The following TREML1 variants were observed in gnomAD, a reference collection of about 807,000 sequenced individuals.
The protein encoded by TREML1 is triggering receptor expressed on myeloid cells like 1.
A neutral mutation model predicts 22.8 loss-of-function variants in TREML1; 27 were observed. That is an observed-to-expected ratio of 1.19 (90% CI 0.87 to 1.64). The LOEUF (loss-of-function observed/expected upper bound fraction) is 1.64. Ranked by LOEUF, TREML1 falls within the 40% of genes most tolerant of loss-of-function variation. The pLI is 0.00. For missense variants in TREML1, 356 were observed against 382.0 expected (o/e 0.93, Z 0.57); for synonymous variants, 153 against 161.9 (o/e 0.94, Z 0.42).
intron 2 of TREML1, among the ~76,000 whole-genome samples, chr6:41,152,191 T>C (rs987517779): frequency 1.3e-5 from 2 of 152,294 alleles, no homozygotes; most frequent in African/African-American, 2.4e-5. Context: ...GTGGCACATG[T>C]CCTGCCCTCC....
chr6:41,149,997 A>G, intron 5 of TREML1, 79 bp from the exon 6 acceptor site: 29 of 1,374,594 alleles, frequency 2.1e-5, no homozygotes, highest in Non-Finnish European at 2.8e-5. Flanking sequence ...GGACCACACT[A>G]GATCTATCTC....
chr6:41,153,895 G>C lies in TREML1; in HGVS notation c.239C>G (p.Thr80Arg). 1 of 1,614,192 alleles carries C rather than the reference G, an allele frequency of 6.2e-7. No homozygotes were observed. Among genetic ancestry groups the C allele is most frequent in the Non-Finnish European group, 8.5e-7 (1 of 1,180,044 alleles). ...CTGCAGCAGGCCCCCACCCAGGTCT[G>C]TGAGAAACGTACGCCTGCCCGCTGG... Reference protein sequence around the residue: ...RAPAGRRTFLTDLGGGLLQVE... With the variant: ...RAPAGRRTFLRDLGGGLLQVE... The change falls in exon 2 of 6, where the codon ACA (threonine) becomes AGA (arginine). Residue 80 changes from threonine to arginine, a missense_variant. By Grantham distance (71) the Thr-to-Arg change is moderately conservative. Coordinates refer to ENST00000426005, the MANE Select transcript of TREML1 (RefSeq NM_178174.4).
In TREML1 at chr6:41,149,570, A is replaced by G. The variant is rs1765186650; in HGVS notation, c.*34T>C. 1 of 1,577,402 alleles carries G rather than the reference A, an allele frequency of 6.3e-7. No individual in the cohort carries two copies. The highest frequency in any genetic ancestry group is 1.3e-5 in the African/African-American group (1 of 74,514). On this transcript the variant is annotated 3_prime_UTR_variant, in exon 6 of 6. Coordinates refer to ENST00000426005, the MANE Select transcript of TREML1 (RefSeq NM_178174.4). ...GGATGGATGCACAGAACCCCTAGGG[A>G]TGGTCCTCATGAGTTTAAAGTGTGA...
At position 41,149,552 on chromosome 6, in the gene TREML1, T is replaced by C; in HGVS notation, c.*52A>G. On this transcript the variant is annotated 3_prime_UTR_variant, in exon 6 of 6. Coordinates refer to ENST00000426005, the MANE Select transcript of TREML1 (RefSeq NM_178174.4). ...CTAGGGCATGAGCTGGCTGGATGGA[T>C]GCACAGAACCCCTAGGGATGGTCCT... 6.5e-7 allele frequency: 1 copy of C among 1,547,472 alleles called. No homozygotes were observed. The highest frequency in any genetic ancestry group is 1.2e-5 in the South Asian group (1 of 80,546).
chr6:41,149,856 A>T lies in TREML1; in HGVS notation c.684T>A (p.Asp228Glu), dbSNP rs138237630. 5,216 of 1,614,176 alleles carry T rather than the reference A, an allele frequency of 3.2e-3. 11 individuals carry two copies. Among genetic ancestry groups the T allele is most frequent in the Non-Finnish European group, 4.0e-3 (4,774 of 1,180,034 alleles). Reference sequence around the variant, plus strand: ...GTGAGTCAAGCCTAATGTGTGGTACATCCAAAGGCAATTCAGCAGCCGGTC... The same window carrying T: ...GTGAGTCAAGCCTAATGTGTGGTACTTCCAAAGGCAATTCAGCAGCCGGTC... ...DSGPAAELPL[D>E]VPHIRLDSPP... Residue 228 changes from aspartate (D) to glutamate (E), a missense_variant, in exon 6 of 6, where the codon GAT becomes GAA. By Grantham distance (45) the Asp-to-Glu change is conservative. Transcript: ENST00000426005.
In TREML1 at chr6:41,150,253, C is replaced by G; in HGVS notation, c.621+8G>C. 6.2e-7 allele frequency: 1 copy of G among 1,613,850 alleles called. No individual in the cohort carries two copies. The highest frequency in any genetic ancestry group is 1.3e-5 in the African/African-American group (1 of 75,016). Reference sequence around the variant, plus strand: ...GAATTTGGCTGTGGGCCTGCAGAGGCCTCTTACCATGCCTGAAACTCTGCT... The same window carrying G: ...GAATTTGGCTGTGGGCCTGCAGAGGGCTCTTACCATGCCTGAAACTCTGCT... On this transcript the variant is annotated splice_region_variant and intron_variant, in intron 5 of 5. Coordinates refer to ENST00000426005, the MANE Select transcript of TREML1 (RefSeq NM_178174.4).
chr6:41,154,134 G>A (rs1167068722), intron 1 of TREML1, 44 bp from the exon 2 acceptor site: 2 of 1,594,428 alleles, frequency 1.3e-6, no homozygotes, highest in Admixed American at 1.7e-5. Flanking sequence ...GGAGCTGGGA[G>A]CATCTCCCAG....
In TREML1 at chr6:41,153,951, G is replaced by A. The variant is rs1416511861; in HGVS notation, c.183C>T (p.Pro61=). The A allele has an allele frequency of 1.9e-6, 3 of 1,614,198 alleles. No individual in the cohort carries two copies. In the South Asian group the frequency reaches 3.3e-5, roughly 18 times the overall value. ...WCRFLPEGCQ[P]LVSSAVDRRA... is the part of the protein sequence containing the mutation. Reference sequence around the variant, plus strand: ...TGCGATCCACAGCTGAGGACACCAGGGGCTGGCACCCCTCCGGCAAGAACC... The same window carrying A: ...TGCGATCCACAGCTGAGGACACCAGAGGCTGGCACCCCTCCGGCAAGAACC... Residue 61 remains proline (P), a synonymous_variant, in exon 2 of 6, where the codon CCC becomes CCT. Coordinates refer to ENST00000426005, the MANE Select transcript of TREML1 (RefSeq NM_178174.4).
At chr6:41,153,636 A>AT in intron 2 of TREML1, 122 bp downstream of exon 2, 1 of 951,440 alleles carries the variant, frequency 1.1e-6, no homozygotes, top group South Asian at 1.7e-5. Context: ...TGTCAAGAGG[A>AT]TATCTCCTTG....
At chr6:41,154,479 T>C, upstream of TREML1, 1 of 580,454 alleles carries the variant, frequency 1.7e-6, no homozygotes, top group Non-Finnish European at 3.1e-6. Context: ...GCCCTGAGGG[T>C]AAGGGTGGGC....
At chr6:41,153,067 A>T (rs1298171732) in intron 2 of TREML1, among the ~76,000 whole-genome samples, 2 of 151,844 alleles carry the variant, frequency 1.3e-5, no homozygotes, top group South Asian at 4.2e-4. Context: ...CTTAAAAAAA[A>T]AAACCCAAGT....
Position 41,149,462 on chromosome 6 carries a change from C to A in TREML1, c.*142G>T. On this transcript the variant is annotated 3_prime_UTR_variant, in exon 6 of 6. Transcript: ENST00000426005. Reference sequence around the variant, plus strand: ...TCAGTCATGTCTGAGCGTCACTTTCCCTAGTAAAGTTAGGACATTGGATTA... The same window carrying A: ...TCAGTCATGTCTGAGCGTCACTTTCACTAGTAAAGTTAGGACATTGGATTA... 1.1e-6 allele frequency: 1 copy of A among 926,564 alleles called. No homozygotes were observed. Among genetic ancestry groups the A allele is most frequent in the Non-Finnish European group, 1.6e-6 (1 of 618,062 alleles). 57.4% of individuals were successfully genotyped at this position (926,564 alleles called of 1,614,324 possible). A position where few individuals can be genotyped will look rare whatever the true frequency, so the allele number is the denominator to read the frequency against.
chr6:41,153,788 G>A lies in TREML1; in HGVS notation c.346C>T (p.His116Tyr). Reference protein sequence around the residue: ...VDGARGPQILHRVSLNILPPE... With the variant: ...VDGARGPQILYRVSLNILPPE... ...GGCAGTATGTTCAGAGAGACTCTGT[G>A]CAAAATCTGGGGCCCCCTGGCCCCA... The change falls in exon 2 of 6, where the codon CAC becomes TAC. Residue 116 changes from histidine to tyrosine, a missense_variant. Physicochemically the swap from His to Tyr is moderately conservative, Grantham distance 83. Transcript: ENST00000426005. 1 of 1,612,980 alleles carries A rather than the reference G, an allele frequency of 6.2e-7. No individual in the cohort carries two copies. The highest frequency in any genetic ancestry group is 8.5e-7 in the Non-Finnish European group (1 of 1,179,454).
chr6:41,150,649 C>A (rs1765221468), intron 4 of TREML1, among the ~76,000 whole-genome samples, 170 bp downstream of exon 4: 1 of 152,146 alleles, frequency 6.6e-6, no homozygotes, highest in Non-Finnish European at 1.5e-5. Context: ...AATCTCCTTC[C>A]CTCCCCTCCA....
At chr6:41,150,086 G>A (rs45537633) in intron 5 of TREML1, among the ~76,000 whole-genome samples, 168 bp from the exon 6 acceptor site, 11,713 of 152,196 alleles carry the variant, frequency 0.077, 561 homozygotes, top group Middle Eastern at 0.13. Flanking sequence ...CCAAATCTGG[G>A]AGGGTGGGAT....
intron 3 of TREML1, 95 bp downstream of exon 3, chr6:41,151,187 A>T: frequency 8.9e-7 from 1 of 1,118,452 alleles, no homozygotes; most frequent in Non-Finnish European, 1.4e-6. Context: ...GAAGAATCAT[A>T]GGTTTTCCCC....
In TREML1 at chr6:41,151,340, C is replaced by T. The variant is rs147561375; in HGVS notation, c.421G>A (p.Ala141Thr). 40 of 1,614,110 alleles carry T rather than the reference C, an allele frequency of 2.5e-5. No individual in the cohort carries two copies. The highest frequency in any genetic ancestry group is 6.7e-5 in the African/African-American group (5 of 74,938). Reference protein sequence around the residue: ...THKIGSLAENAFSDPAGSANP... With the variant: ...THKIGSLAENTFSDPAGSANP... ...GCACTGCCTGCAGGGTCTGAGAATG[C>T]GTTCTCAGCCAGACTGCCAATCTTA... is the stretch of plus-strand genomic sequence containing the variant. The change falls in exon 3 of 6, where the codon GCA (alanine) becomes ACA (threonine). Residue 141 changes from alanine (A) to threonine (T), a missense_variant. Coordinates refer to ENST00000426005, the MANE Select transcript of TREML1 (RefSeq NM_178174.4).
intron 2 of TREML1, 98 bp from the exon 3 acceptor site, chr6:41,151,482 A>G: frequency 9.2e-7 from 1 of 1,092,242 alleles, no homozygotes; most frequent in Admixed American, 1.9e-5. Flanking sequence ...GGACTGGAGG[A>G]GTGGAGCCAA....
rs780164055 is a variant in TREML1 at position 41,153,858 on chromosome 6, A to G, written c.276T>C (p.Val92=). 3 of 1,614,158 alleles carry G rather than the reference A, an allele frequency of 1.9e-6. No homozygotes were observed. Among genetic ancestry groups the G allele is most frequent in the Admixed American group, 1.7e-5 (1 of 60,020 alleles). The part of the protein sequence containing the change: ...LGGGLLQVEM[V]TLQEEDAGEY... Reference sequence around the variant, plus strand: ...CGCCAGCATCCTCTTCCTGCAGGGTAACCATTTCCACCTGCAGCAGGCCCC... The same window carrying G: ...CGCCAGCATCCTCTTCCTGCAGGGTGACCATTTCCACCTGCAGCAGGCCCC... The change falls in exon 2 of 6, where the codon GTT becomes GTC. Residue 92 remains valine, a synonymous_variant. Transcript: ENST00000426005.
Sources: gnomAD v4.1 joint callset for allele counts (sites outside exome capture counted in the v4.1 genomes callset) on GRCh38, gnomAD v4.1.1 for gene constraint, MANE v1.5 for transcripts, NCBI Gene and HGNC (gene_info 2026-07-23, HGNC 2026-07-21) for gene names.